The following INPP5A variants were observed in gnomAD, a reference collection of about 807,000 sequenced individuals.
INPP5A encodes 43 kDa inositol polyphosphate 5-phophatase.
In INPP5A, 14 loss-of-function variants were observed where a neutral mutation model predicts 65.2. The ratio of observed to expected loss-of-function variants is 0.21; its 90% CI spans 0.14 to 0.34. The LOEUF (loss-of-function observed/expected upper bound fraction) is 0.34. Ranked by LOEUF, INPP5A falls within the 10% of genes least tolerant of loss-of-function variation. The probability of loss-of-function intolerance (pLI) is 1.00; values close to 1 mark genes in which losing one functional copy is unlikely to be tolerated. For missense variants in INPP5A, 431 were observed against 545.6 expected, an observed-to-expected ratio of 0.79 and a Z score of 2.09; for synonymous variants, 207 against 208.3, an observed-to-expected ratio of 0.99 and a Z score of 0.05.
intron 8 of INPP5A, among the ~76,000 whole-genome samples, chr10:132,718,724 G>A (rs1169103748): frequency 6.7e-6 from 1 of 150,106 alleles, no homozygotes; most frequent in African/African-American, 2.4e-5. Flanking sequence ...GGCGGGTTCT[G>A]TGGTACCTGG....
At chr10:132,760,621 C>T (rs1337988835) in intron 11 of INPP5A, among the ~76,000 whole-genome samples, 3 of 152,244 alleles carry the variant, frequency 2.0e-5, no homozygotes, top group East Asian at 1.9e-4. Context: ...CTCACCTGAG[C>T]GGGAGCTTTG....
At chr10:132,665,467 G>A (rs2072789827) in intron 4 of INPP5A, among the ~76,000 whole-genome samples, 1 of 152,268 alleles carries the variant, frequency 6.6e-6, no homozygotes, top group African/African-American at 2.4e-5. Context: ...AATGGGCTGG[G>A]TGTAGTGCTT....
chr10:132,728,452 G>A (rs1378396388), intron 9 of INPP5A, among the ~76,000 whole-genome samples: 5 of 152,246 alleles, frequency 3.3e-5, no homozygotes, highest in Non-Finnish European at 7.3e-5. Context: ...CCGGGAGCAA[G>A]GCCTGGGGGC....
rs1046279525 is a variant in INPP5A, at chr10:132,659,824, A to G, written c.306+9319A>G. Among the ~76,000 whole-genome samples, 3 of 152,358 alleles carry G rather than the reference A, an allele frequency of 2.0e-5. No homozygotes were observed. Among genetic ancestry groups the G allele is most frequent in the African/African-American group, 7.2e-5 (3 of 41,584 alleles). Reference sequence around the variant, plus strand: ...TGGGAGGTGGAGCATGGAGAAGGCCAGTGCCTCATCACAGAGCCAGATGCC... The same window carrying G: ...TGGGAGGTGGAGCATGGAGAAGGCCGGTGCCTCATCACAGAGCCAGATGCC... On this transcript the variant is annotated intron_variant, in intron 4 of 15. Transcript: ENST00000368594. The surrounding 1 kb of genome is among the most constrained non-coding windows in gnomAD (Gnocchi z 5.5).
rs146824197 is a variant in INPP5A, at chr10:132,555,516, T to G, written c.75+17345T>G. 0.022 allele frequency among the ~76,000 whole-genome samples: 3,333 copies of G among 152,172 alleles called. 49 individuals carry two copies. The highest frequency in any genetic ancestry group is 0.075 in the Middle Eastern group (22 of 294). On this transcript the variant is annotated intron_variant, in intron 1 of 15. Transcript: ENST00000368594. This position sits in a 1 kb window ranked among gnomAD's most constrained non-coding sequence, Gnocchi z 4.4. ...CAGGGGACCTGGCGCCGTTGGTGTGTGCTCACAAAGTGCACGGGGTGACCA... is the reference window on the plus strand; with the variant it reads ...CAGGGGACCTGGCGCCGTTGGTGTGGGCTCACAAAGTGCACGGGGTGACCA...
chr10:132,557,204 C>A (rs898052032), intron 1 of INPP5A, among the ~76,000 whole-genome samples: 3 of 152,218 alleles, frequency 2.0e-5, no homozygotes, highest in Non-Finnish European at 2.9e-5. Context: ...CCGCTGTGAC[C>A]GACTGTCTCA....
rs1159956764 is a variant in INPP5A at position 132,676,632 on chromosome 10, G to A, written c.307-13760G>A. ...AGACTGCTGTCCCGGCCAGTGCTCC[G>A]CTCCCTGCGCCCCTGATGAGATGGC... On this transcript the variant is annotated intron_variant, in intron 4 of 15. Coordinates refer to ENST00000368594, the MANE Select transcript of INPP5A (RefSeq NM_005539.5). The surrounding 1 kb of genome is among the most constrained non-coding windows in gnomAD (Gnocchi z 4.0). 1.3e-5 allele frequency among the ~76,000 whole-genome samples: 2 copies of A among 152,248 alleles called. No homozygotes were observed. Among genetic ancestry groups the A allele is most frequent in the South Asian group, 2.1e-4 (1 of 4,824 alleles).
chr10:132,567,199 C>G (rs1240843728), intron 1 of INPP5A, among the ~76,000 whole-genome samples: 1 of 152,222 alleles, frequency 6.6e-6, no homozygotes, highest in Non-Finnish European at 1.5e-5. Context: ...CCGTCCTTCT[C>G]AGATGCCACT....
chr10:132,706,661 A>C lies in INPP5A; in HGVS notation c.475-1652A>C, dbSNP rs1391675480. On this transcript the variant is annotated intron_variant, in intron 6 of 15. Coordinates refer to ENST00000368594, the MANE Select transcript of INPP5A (RefSeq NM_005539.5). This position sits in a 1 kb window ranked among gnomAD's most constrained non-coding sequence, Gnocchi z 4.7. ...TTCTTGAGCATGAGTGGGAGCACTT[A>C]GGGAGGGGGCAGGGAGCACTTGTGG... is the stretch of plus-strand genomic sequence containing the variant. Among the ~76,000 whole-genome samples, 1 of 151,936 alleles carries C rather than the reference A, an allele frequency of 6.6e-6. No individual in the cohort carries two copies. The highest frequency in any genetic ancestry group is 1.5e-5 in the Non-Finnish European group (1 of 67,978).
At chr10:132,630,558 G>T (rs960620188) in intron 2 of INPP5A, among the ~76,000 whole-genome samples, 2 of 150,086 alleles carry the variant, frequency 1.3e-5, no homozygotes, top group Non-Finnish European at 2.9e-5. Context: ...TCCATGAGGG[G>T]AAGACATCCA....
intron 9 of INPP5A, among the ~76,000 whole-genome samples, chr10:132,728,613 A>T (rs1409897526): frequency 6.6e-6 from 1 of 152,250 alleles, no homozygotes; most frequent in East Asian, 1.9e-4. Flanking sequence ...AGTGCACATA[A>T]GTACTTCCCG....
chr10:132,645,096 C>T (rs992990218), intron 2 of INPP5A, among the ~76,000 whole-genome samples: 6 of 152,232 alleles, frequency 3.9e-5, no homozygotes, highest in Non-Finnish European at 8.8e-5. Flanking sequence ...ATATTTGTTG[C>T]ACTGCTCTTT....
chr10:132,764,808 G>T (rs1437379930), intron 11 of INPP5A, among the ~76,000 whole-genome samples: 3 of 142,518 alleles, frequency 2.1e-5, no homozygotes, highest in Admixed American at 2.1e-4. Flanking sequence ...GGCCAGTCCT[G>T]CAGGGTTGAG....
chr10:132,558,289 C>G (rs1246793035), intron 1 of INPP5A, among the ~76,000 whole-genome samples: 1 of 152,164 alleles, frequency 6.6e-6, no homozygotes, highest in African/African-American at 2.4e-5. Context: ...ACGCGCTGAG[C>G]ACGCTCTGGG....
At chr10:132,619,497 C>T (rs1436223947) in intron 2 of INPP5A, among the ~76,000 whole-genome samples, 2 of 152,164 alleles carry the variant, frequency 1.3e-5, no homozygotes, top group Non-Finnish European at 2.9e-5. Flanking sequence ...GTACAAGCTG[C>T]CAGTGGATAT....
At chr10:132,565,622 T>C (rs576074727) in intron 1 of INPP5A, among the ~76,000 whole-genome samples, 1 of 152,170 alleles carries the variant, frequency 6.6e-6, no homozygotes, top group African/African-American at 2.4e-5. Context: ...TGCATGTGTG[T>C]ATGTGTGTAT....
At chr10:132,548,078 A>G (rs1161174329) in intron 1 of INPP5A, among the ~76,000 whole-genome samples, 3 of 151,444 alleles carry the variant, frequency 2.0e-5, no homozygotes, top group Admixed American at 6.6e-5. Flanking sequence ...TTTTTTTTGT[A>G]TTTTTAGTAG....
chr10:132,580,338 G>T (rs1406832158), intron 1 of INPP5A, among the ~76,000 whole-genome samples: 1 of 152,162 alleles, frequency 6.6e-6, no homozygotes, highest in Non-Finnish European at 1.5e-5. Flanking sequence ...GTTTAAAAGT[G>T]TGTGGCACTT....
chr10:132,607,812 C>T (rs1458718357), intron 1 of INPP5A, 103 bp from the exon 2 acceptor site: 4 of 1,185,760 alleles, frequency 3.4e-6, no homozygotes, highest in Non-Finnish European at 4.9e-6. Context: ...CCGGGCTGCG[C>T]CTCTGCTCCT....
Sources: allele counts gnomAD v4.1 joint callset (sites outside exome capture counted in the v4.1 genomes callset), GRCh38; gene constraint gnomAD v4.1.1; non-coding constraint Gnocchi (gnomAD v3.1); transcripts MANE v1.5; gene names NCBI Gene and HGNC (gene_info 2026-07-23, HGNC 2026-07-21).